ENPP1: variants seen among roughly 807,000 people sequenced by gnomAD.
The protein encoded by ENPP1 is ectonucleotide pyrophosphatase/phosphodiesterase 1, also known as ectonucleotide pyrophosphatase/phosphodiesterase family member 1.
ENPP1 carries 73 observed loss-of-function variants against 122.8 expected under a neutral mutation model. That is an observed-to-expected ratio of 0.59 (90% CI 0.49 to 0.72). ENPP1 has a LOEUF of 0.72. Ranked by LOEUF, ENPP1 falls within the 30% of genes least tolerant of loss-of-function variation. ENPP1 has a pLI of 0.00. For missense variants in ENPP1, 978 were observed against 1,128.1 expected (o/e 0.87, Z 1.91); for synonymous variants, 367 against 391.6 (o/e 0.94, Z 0.74).
chr6:131,809,185 G>A (rs1781318561), intron 1 of ENPP1, among the ~76,000 whole-genome samples: 1 of 152,166 alleles, frequency 6.6e-6, no homozygotes, highest in South Asian at 2.1e-4. Context: ...ATTGAAAACA[G>A]CAAGGAAATA....
In ENPP1 at chr6:131,894,969, C is replaced by G. The variant is rs1782527224; in HGVS notation, c.*4458C>G. ...CTGAATGTGGTGATTACACTTCATG[C>G]TGAAGCTTTTCACATGAGTGCTTTC... On this transcript the variant is annotated 3_prime_UTR_variant, in exon 25 of 25. Transcript: ENST00000647893. 1 of 152,212 alleles carries G rather than the reference C, an allele frequency of 6.6e-6. No homozygotes were observed. The highest frequency in any genetic ancestry group is 2.1e-4 in the South Asian group (1 of 4,832). The allele number at this position is 152,212 out of a possible 1,614,324, so 9.4% of individuals were successfully genotyped here.
intron 15 of ENPP1, 119 bp from the exon 16 acceptor site, chr6:131,874,149 C>A: frequency 1.4e-6 from 1 of 713,686 alleles, no homozygotes; most frequent in Non-Finnish European, 2.5e-6. Context: ...TTTTATTTAC[C>A]GTTGTGTTGG....
At chr6:131,882,119 T>A (rs960069347) in intron 20 of ENPP1, among the ~76,000 whole-genome samples, 3 of 151,936 alleles carry the variant, frequency 2.0e-5, no homozygotes, top group Admixed American at 2.0e-4. Context: ...TAGCAGAATC[T>A]GAAAATATTT....
intron 19 of ENPP1, 74 bp from the exon 20 acceptor site, chr6:131,879,806 T>C: frequency 3.9e-6 from 5 of 1,293,940 alleles, no homozygotes; most frequent in Non-Finnish European, 5.6e-6. Flanking sequence ...AGGAAAGGAT[T>C]AGATGAGTGT....
At position 131,886,562 on chromosome 6, in the gene ENPP1, A is replaced by G. The variant is rs748620907; in HGVS notation, c.2445A>G (p.Gln815=). 1.2e-6 allele frequency: 2 copies of G among 1,609,256 alleles called. No individual in the cohort carries two copies. Among genetic ancestry groups the G allele is most frequent in the Admixed American group, 3.3e-5 (2 of 59,970 alleles). The change falls in exon 24 of 25, where the codon CAA becomes CAG. Residue 815 remains glutamine (Q), a splice_region_variant and synonymous_variant. Transcript: ENST00000647893. The part of the protein sequence containing the change: ...GRCDSLENLR[Q]KRRVIRNQEI... ...AAATGAATATTGGCATGTTTTACAG[A>G]AAAAGAAGAGTCATCCGTAACCAAG...
chr6:131,884,796 CGAA>C, intron 22 of ENPP1, 132 bp from the exon 23 acceptor site: 1 of 1,065,484 alleles, frequency 9.4e-7, no homozygotes, highest in Non-Finnish European at 1.4e-6. Context: ...CAAAACAAAA[CGAA>C]GACTGAAGCC....
chr6:131,861,749 T>G, intron 9 of ENPP1, 45 bp downstream of exon 9: 1 of 1,060,024 alleles, frequency 9.4e-7, no homozygotes, highest in Non-Finnish European at 1.5e-6. Flanking sequence ...ATAGAACAGC[T>G]TATTCTTATG....
intron 1 of ENPP1, among the ~76,000 whole-genome samples, chr6:131,839,338 T>C (rs937583488): frequency 6.6e-6 from 1 of 152,124 alleles, no homozygotes; most frequent in Non-Finnish European, 1.5e-5. Flanking sequence ...CTTAGACTTT[T>C]GTCTTAGGCT....
chr6:131,853,953 C>T lies in ENPP1; in HGVS notation c.618-973C>T, dbSNP rs112653934. 6.5e-3 allele frequency among the ~76,000 whole-genome samples: 984 copies of T among 152,214 alleles called. 9 individuals carry two copies. The highest frequency in any genetic ancestry group is 0.015 in the South Asian group (70 of 4,820). On this transcript the variant is annotated intron_variant, in intron 5 of 24. Transcript: ENST00000647893. ...TCCTTTTTGAAATTTCCACACTACA[C>T]GTTAACTGTTTGTATATGTATGTAT...
intron 18 of ENPP1, chr6:131,877,535 A>G (rs981545085): frequency 2.2e-4 from 49 of 220,144 alleles, no homozygotes; most frequent in African/African-American, 1.1e-3. Flanking sequence ...ACCAATCACA[A>G]TGTACCTTTT....
intron 9 of ENPP1, among the ~76,000 whole-genome samples, chr6:131,863,155 G>A (rs930613435): frequency 6.6e-6 from 1 of 152,188 alleles, no homozygotes; most frequent in Non-Finnish European, 1.5e-5. Flanking sequence ...GTGTATTAAA[G>A]AGGATACAGA....
chr6:131,839,646 A>G (rs1781716679), intron 1 of ENPP1, among the ~76,000 whole-genome samples: 1 of 152,204 alleles, frequency 6.6e-6, no homozygotes, highest in African/African-American at 2.4e-5. Flanking sequence ...CACTAAGAAG[A>G]TGACAAAATA....
chr6:131,848,623 C>T (rs1781843427), intron 2 of ENPP1, among the ~76,000 whole-genome samples: 3 of 152,146 alleles, frequency 2.0e-5, no homozygotes, highest in Admixed American at 2.0e-4. Flanking sequence ...CTAAGTTTAA[C>T]TGAAGTAAAC....
intron 10 of ENPP1, 39 bp downstream of exon 10, chr6:131,864,610 T>G (rs1782065386): frequency 7.3e-7 from 1 of 1,370,684 alleles, no homozygotes; most frequent in African/African-American, 1.4e-5. Flanking sequence ...ATACTTCGTT[T>G]TGTAGAAATG....
At chr6:131,876,947 T>A in intron 17 of ENPP1, 45 bp from the exon 18 acceptor site, 2 of 1,583,340 alleles carry the variant, frequency 1.3e-6, no homozygotes, top group Non-Finnish European at 1.7e-6. Context: ...ACTATTTGTT[T>A]GATTTGAAAC....
At chr6:131,867,985 G>T (rs1209752923) in intron 11 of ENPP1, 33 bp from the exon 12 acceptor site, 1 of 1,286,026 alleles carries the variant, frequency 7.8e-7, no homozygotes, top group South Asian at 1.2e-5. Flanking sequence ...AGTGTGGAAG[G>T]TATCACATGA....
chr6:131,826,224 C>T, intron 1 of ENPP1: 1 of 944,668 alleles, frequency 1.1e-6, no homozygotes, highest in South Asian at 1.3e-5. Flanking sequence ...GCTTTTTGCA[C>T]TGAAACAGCC....
intron 11 of ENPP1, among the ~76,000 whole-genome samples, chr6:131,866,932 A>G (rs1326734449): frequency 3.3e-5 from 5 of 152,226 alleles, no homozygotes; most frequent in Admixed American, 3.3e-4. Context: ...TGGCTACAGA[A>G]AAATCCCAGG....
intron 1 of ENPP1, among the ~76,000 whole-genome samples, chr6:131,811,376 A>ATATCTATATATC (rs1407442478): frequency 9.8e-4 from 128 of 131,280 alleles, no homozygotes; most frequent in African/African-American, 2.1e-3. Context: ...ATCTATATCT[A>ATATCTATATATC]TATATCTATA....
Sources: allele counts gnomAD v4.1 joint callset (sites outside exome capture counted in the v4.1 genomes callset), GRCh38; gene constraint gnomAD v4.1.1; transcripts MANE v1.5; gene names NCBI Gene and HGNC (gene_info 2026-07-23, HGNC 2026-07-21).